The following INTS1 variants were observed in gnomAD, a reference collection of about 807,000 sequenced individuals.
INTS1 encodes integrator complex subunit 1.
Under a neutral mutation model 241.6 loss-of-function variants are expected in INTS1, and 137 were observed. The ratio of observed to expected loss-of-function variants is 0.57; its 90% CI spans 0.49 to 0.65. The LOEUF (loss-of-function observed/expected upper bound fraction) is 0.65. Ranked by LOEUF, INTS1 falls within the 30% of genes least tolerant of loss-of-function variation. The pLI is 0.00. For missense variants in INTS1, 3,073 were observed against 3,032.2 expected, an observed-to-expected ratio of 1.01 and a Z score of -0.32; for synonymous variants, 1,692 against 1,337.8, an observed-to-expected ratio of 1.26 and a Z score of -5.78.
chr7:1,474,338 G>C lies in INTS1; in HGVS notation c.5659C>G (p.Leu1887Val). The C allele has an allele frequency of 6.2e-7, 1 of 1,602,718 alleles. No homozygotes were observed. Reference protein sequence around the residue: ...LLRHLPMIAALLHGRTHLNFQ... With the variant: ...LLRHLPMIAAVLHGRTHLNFQ... ...TTGAGGTGGGTGCGGCCGTGCAGGA[G>C]CGCCGCGATCATGGGCAGGTGCCTG... is the stretch of plus-strand genomic sequence containing the variant. Residue 1887 changes from leucine to valine, a missense_variant, in exon 41 of 48, where the codon CTC (leucine) becomes GTC (valine). By Grantham distance (32) the Leu-to-Val change is conservative (BLOSUM62 1). Coordinates refer to ENST00000404767, the MANE Select transcript of INTS1 (RefSeq NM_001080453.3).
chr7:1,487,273 G>C, intron 20 of INTS1, 47 bp downstream of exon 20: 1 of 1,554,284 alleles, frequency 6.4e-7, no homozygotes, highest in Non-Finnish European at 8.7e-7. Context: ...GAAGGTTCCG[G>C]GCCTCCCAAG....
At chr7:1,494,630 C>T (rs1305758961) in intron 14 of INTS1, 186 bp downstream of exon 14, 1 of 653,274 alleles carries the variant, frequency 1.5e-6, no homozygotes, top group South Asian at 1.8e-5. Context: ...CCTACAGTGG[C>T]GCTGGGACGC....
intron 22 of INTS1, among the ~76,000 whole-genome samples, chr7:1,486,095 C>A (rs562089113): frequency 6.6e-6 from 1 of 151,892 alleles, no homozygotes; most frequent in African/African-American, 2.4e-5. Context: ...ACTACCACAC[C>A]TGGCTAATTT....
chr7:1,485,135 G>A lies in INTS1; in HGVS notation c.3224C>T (p.Pro1075Leu), dbSNP rs538692539. ...AYLIYLSQHT[P>L]VEEQAQHSDL... ...GCTGTGCTGGGCCTGCTCCTCCACAGGCGTGTGCTGGGACAAGTAGATCAG... is the reference window on the plus strand; with the variant it reads ...GCTGTGCTGGGCCTGCTCCTCCACAAGCGTGTGCTGGGACAAGTAGATCAG... The change falls in exon 24 of 48, where the codon CCT (proline) becomes CTT (leucine). Residue 1075 changes from proline to leucine, a missense_variant. By Grantham distance (98) the Pro-to-Leu change is moderately conservative (BLOSUM62 -3). Coordinates refer to ENST00000404767, the MANE Select transcript of INTS1 (RefSeq NM_001080453.3). 34 of 1,601,154 alleles carry A rather than the reference G, an allele frequency of 2.1e-5. No individual in the cohort carries two copies. In the African/African-American group the frequency reaches 3.7e-4, roughly 18 times the overall value.
In INTS1 at chr7:1,486,893, G is replaced by C. The variant is rs367961256; in HGVS notation, c.2826+29C>G. On this transcript the variant is annotated intron_variant, in intron 21 of 47. Transcript: ENST00000404767. ...CTGACAGGGGTGCGGGGTGAGAGGCGGGGGGGCTGAGGGGTGGGCGGCCCT... is the reference window on the plus strand; with the variant it reads ...CTGACAGGGGTGCGGGGTGAGAGGCCGGGGGGCTGAGGGGTGGGCGGCCCT... 1.5e-5 allele frequency: 23 copies of C among 1,584,814 alleles called. No homozygotes were observed. In the South Asian group the frequency reaches 2.0e-4, roughly 14 times the overall value.
At chr7:1,475,889 TC>T in intron 39 of INTS1, 58 bp downstream of exon 39, 1 of 1,513,850 alleles carries the variant, frequency 6.6e-7, no homozygotes. Flanking sequence ...CCGCCCTCCC[TC>T]CCTGCCCGGC....
At chr7:1,500,491 C>T in intron 3 of INTS1, 125 bp from the exon 4 acceptor site, 1 of 1,081,466 alleles carries the variant, frequency 9.2e-7, no homozygotes, top group Non-Finnish European at 1.3e-6. Context: ...GACCAGCGAT[C>T]CACCCTCAGC....
intron 44 of INTS1, 45 bp from the exon 45 acceptor site, chr7:1,471,686 G>T: frequency 6.3e-7 from 1 of 1,590,406 alleles, no homozygotes; most frequent in African/African-American, 1.3e-5. Context: ...GGCCCAGGCA[G>T]ACCTCTGCCC....
chr7:1,476,018 G>A lies in INTS1; in HGVS notation c.5432C>T (p.Pro1811Leu), dbSNP rs749007520. 1.8e-5 allele frequency: 28 copies of A among 1,545,794 alleles called. No individual in the cohort carries two copies. Among genetic ancestry groups the A allele is most frequent in the East Asian group, 1.5e-4 (6 of 40,910 alleles). Residue 1811 changes from proline to leucine, a missense_variant, in exon 39 of 48, where the codon CCG (proline) becomes CTG (leucine). Pro to Leu is a moderately conservative substitution (Grantham distance 98). Transcript: ENST00000404767. ...DLLLQLYLQR[P>L]ELRVPVPEVL... ...CTCAGGCACGGGCACCCGCAGCTCCGGCCGCTGTAGGTAGAGCTGCAGGAG... is the reference window on the plus strand; with the variant it reads ...CTCAGGCACGGGCACCCGCAGCTCCAGCCGCTGTAGGTAGAGCTGCAGGAG...
chr7:1,473,891 T>A (rs770369024), intron 41 of INTS1, among the ~76,000 whole-genome samples, 198 bp from the exon 42 acceptor site: 5 of 152,200 alleles, frequency 3.3e-5, no homozygotes, highest in Admixed American at 2.0e-4. Context: ...CTGGGGCATG[T>A]GCCCAGATGG....
At chr7:1,494,991 G>A (rs547464208) in intron 13 of INTS1, 98 bp from the exon 14 acceptor site, 58 of 1,404,128 alleles carry the variant, frequency 4.1e-5, no homozygotes, top group South Asian at 3.9e-4. Flanking sequence ...GGGCCCCAGC[G>A]CTCAGAGGCC....
intron 3 of INTS1, 21 bp from the exon 4 acceptor site, chr7:1,500,387 G>C (rs781732118): frequency 1.3e-6 from 2 of 1,533,446 alleles, no homozygotes. Flanking sequence ...CAGGCGGTAC[G>C]GTCAGAACGG....
At chr7:1,492,501 C>T (rs1782605757) in intron 16 of INTS1, among the ~76,000 whole-genome samples, 1 of 152,126 alleles carries the variant, frequency 6.6e-6, no homozygotes, top group Non-Finnish European at 1.5e-5. Flanking sequence ...GAAGGTTCTA[C>T]AATTAAATTA....
intron 35 of INTS1, 97 bp from the exon 36 acceptor site, chr7:1,477,015 G>A: frequency 6.9e-7 from 1 of 1,448,550 alleles, no homozygotes; most frequent in Non-Finnish European, 9.2e-7. Context: ...CACTCAGAGA[G>A]CCGAGGCTTG....
At chr7:1,491,673 G>A (rs1583140630) in intron 16 of INTS1, among the ~76,000 whole-genome samples, 1 of 152,334 alleles carries the variant, frequency 6.6e-6, no homozygotes. Flanking sequence ...GGTCAAAGCA[G>A]GAGGACTGCT....
In INTS1 at chr7:1,493,311, G is replaced by C. The variant is rs552544167; in HGVS notation, c.2069-205C>G. Among the ~76,000 whole-genome samples the C allele has an allele frequency of 1.4e-4, 21 of 152,160 alleles. No homozygotes were observed. In the South Asian group the frequency reaches 3.7e-3, roughly 27 times the overall value. The stretch of plus-strand genomic sequence containing the variant: ...TTTGCTCTCGGGGACACCTGGGCTG[G>C]GTCTAGAGAGCAGGCAGGGCTGCCA... On this transcript the variant is annotated intron_variant, in intron 15 of 47. Coordinates refer to ENST00000404767, the MANE Select transcript of INTS1 (RefSeq NM_001080453.3). The surrounding 1 kb of genome is among the most constrained non-coding windows in gnomAD (Gnocchi z 5.3).
chr7:1,498,033 A>G (rs184667434), intron 10 of INTS1, among the ~76,000 whole-genome samples: 1 of 142,922 alleles, frequency 7.0e-6, no homozygotes, highest in Admixed American at 6.9e-5. Context: ...GGGCCACATA[A>G]TAAGACCCGG....
chr7:1,476,347 C>A lies in INTS1; in HGVS notation c.5260G>T (p.Ala1754Ser). The A allele has an allele frequency of 1.9e-6, 3 of 1,578,958 alleles. No individual in the cohort carries two copies. Among genetic ancestry groups the A allele is most frequent in the South Asian group, 2.3e-5 (2 of 86,394 alleles). Residue 1754 changes from alanine (A) to serine (S), a missense_variant, in exon 38 of 48, where the codon GCC becomes TCC. By Grantham distance (99) the Ala-to-Ser change is moderately conservative. Transcript: ENST00000404767. ...ETRSQDGDTA[A>S]CSLIQARLPL... ...AGCCGGGCCTGGATGAGGCTGCAGG[C>A]GGCTGTGTCCCCGTCCTGGCTCCGC...
At chr7:1,502,273 G>T (rs1783221974) in intron 3 of INTS1, among the ~76,000 whole-genome samples, 1 of 152,166 alleles carries the variant, frequency 6.6e-6, no homozygotes, top group South Asian at 2.1e-4. Flanking sequence ...TGCGATAGCT[G>T]CCAGAGCGAC....
Sources: gnomAD v4.1 joint callset for allele counts (sites outside exome capture counted in the v4.1 genomes callset) on GRCh38, gnomAD v4.1.1 for gene constraint, Gnocchi (gnomAD v3.1) non-coding constraint, MANE v1.5 for transcripts, NCBI Gene and HGNC (gene_info 2026-07-23, HGNC 2026-07-21) for gene names.